Variants in CEACAM21 observed in about 807,000 individuals in gnomAD.
CEACAM21 encodes the protein cell adhesion molecule CEACAM21.
CEACAM21 carries 38 observed loss-of-function variants against 33.2 expected under a neutral mutation model. The observed-to-expected ratio is 1.14, with a 90% CI of 0.88 to 1.50. The LOEUF (loss-of-function observed/expected upper bound fraction) is 1.50, where lower values mean the gene tolerates loss of function less well. CEACAM21 is among the 40% of genes most tolerant of loss of function. The pLI is 0.00. For missense variants in CEACAM21, 385 were observed against 364.6 expected, an observed-to-expected ratio of 1.06 and a Z score of -0.46; for synonymous variants, 156 against 143.0, an observed-to-expected ratio of 1.09 and a Z score of -0.65.
At chr19:41,551,608 T>C (rs1329115555) in intron 1 of CEACAM21, 1 of 152,216 alleles carries the variant, frequency 6.6e-6, no homozygotes, top group African/African-American at 2.4e-5. Context: ...TGAGCCTGCC[T>C]GGGTTTAGGA....
At chr19:41,576,995 C>T (rs1221173471) in intron 1 of CEACAM21, among the ~76,000 whole-genome samples, 2 of 152,186 alleles carry the variant, frequency 1.3e-5, no homozygotes. Flanking sequence ...ATGCAGACCC[C>T]TGGGAAAGAG....
At chr19:41,572,594 T>C (rs1411687735), upstream of CEACAM21, among the ~76,000 whole-genome samples, 3 of 152,174 alleles carry the variant, frequency 2.0e-5, no homozygotes, top group African/African-American at 7.2e-5. Flanking sequence ...TTGGTGAGTC[T>C]GCAGAGCTCA....
Position 41,586,510 on chromosome 19 carries a change from A to G in CEACAM21, c.*47A>G, listed in dbSNP as rs782266539. ...AACATTTACTGCTGGATCGACCACA[A>G]AGCAGATGTGGCTTCTTAGGTTCCT... is the stretch of plus-strand genomic sequence containing the variant. On this transcript the variant is annotated 3_prime_UTR_variant, in exon 7 of 7. Coordinates refer to ENST00000401445, the MANE Select transcript of CEACAM21 (RefSeq NM_001098506.4). 3 of 633,286 alleles carry G rather than the reference A, an allele frequency of 4.7e-6. No individual in the cohort carries two copies. The highest frequency in any genetic ancestry group is 3.7e-5 in the African/African-American group (2 of 54,216). The allele number at this position is 633,286 out of a possible 1,614,324, so 39.2% of individuals were successfully genotyped here.
chr19:41,554,329 T>C (rs2122158885), intron 1 of CEACAM21, among the ~76,000 whole-genome samples: 1 of 152,166 alleles, frequency 6.6e-6, no homozygotes, highest in Non-Finnish European at 1.5e-5. Flanking sequence ...AGGTAACATG[T>C]GTATATGGGT....
chr19:41,567,821 G>A (rs531411367), intron 2 of CEACAM21, among the ~76,000 whole-genome samples: 3 of 152,024 alleles, frequency 2.0e-5, no homozygotes, highest in South Asian at 2.1e-4. Flanking sequence ...GGAAGATGGT[G>A]GGTCCCAGTT....
At chr19:41,576,689 C>T (rs2042971686) in intron 1 of CEACAM21, among the ~76,000 whole-genome samples, 2 of 152,348 alleles carry the variant, frequency 1.3e-5, no homozygotes, top group East Asian at 1.9e-4. Context: ...ATATGGAAGG[C>T]CCTGGGAACG....
intron 2 of CEACAM21, among the ~76,000 whole-genome samples, chr19:41,567,050 C>G (rs1260686023): frequency 6.6e-5 from 10 of 151,916 alleles, no homozygotes; most frequent in African/African-American, 2.2e-4. Context: ...ATTGTTTTCT[C>G]TCTCTCTCTC....
chr19:41,585,527 G>A, intron 5 of CEACAM21, 32 bp downstream of exon 5: 8 of 1,611,666 alleles, frequency 5.0e-6, no homozygotes, highest in Non-Finnish European at 5.9e-6. Flanking sequence ...GTGTGGCTGG[G>A]AACTACTAAG....
intron 1 of CEACAM21, chr19:41,550,731 G>A (rs1415230184): frequency 1.3e-5 from 2 of 152,066 alleles, no homozygotes; most frequent in Non-Finnish European, 2.9e-5. Flanking sequence ...CAGATCGCAC[G>A]ACTGCACTCC....
At chr19:41,560,192 G>T (rs2041795750) in intron 1 of CEACAM21, among the ~76,000 whole-genome samples, 1 of 152,104 alleles carries the variant, frequency 6.6e-6, no homozygotes, top group Admixed American at 6.5e-5. Flanking sequence ...GGAAGCAGAT[G>T]CTTAGCTCTT....
intron 6 of CEACAM21, 71 bp downstream of exon 6, chr19:41,585,942 T>A: frequency 6.7e-7 from 1 of 1,496,514 alleles, no homozygotes; most frequent in Non-Finnish European, 9.2e-7. Context: ...AGGGGGACTG[T>A]CAATCCCCAG....
At chr19:41,557,908 G>C (rs2041635681) in intron 1 of CEACAM21, among the ~76,000 whole-genome samples, 1 of 152,192 alleles carries the variant, frequency 6.6e-6, no homozygotes, top group African/African-American at 2.4e-5. Context: ...AATGGGCTCA[G>C]GGTGGATGAG....
chr19:41,575,288 G>T (rs2042865647), upstream of CEACAM21, among the ~76,000 whole-genome samples: 1 of 152,092 alleles, frequency 6.6e-6, no homozygotes, highest in South Asian at 2.1e-4. Flanking sequence ...ATTGTGAATA[G>T]AATTAGTATC....
intron 2 of CEACAM21, among the ~76,000 whole-genome samples, chr19:41,570,913 A>C (rs2042566119): frequency 6.6e-6 from 1 of 151,972 alleles, no homozygotes; most frequent in African/African-American, 2.4e-5. Context: ...AGGTGTAAGG[A>C]GGCGGGTGAA....
chr19:41,556,484 C>T (rs956853690), intron 1 of CEACAM21, among the ~76,000 whole-genome samples: 1 of 152,196 alleles, frequency 6.6e-6, no homozygotes, highest in African/African-American at 2.4e-5. Context: ...TTTCATGAAG[C>T]CGACTTCTGA....
chr19:41,581,732 C>T (rs1404952710), intron 3 of CEACAM21, among the ~76,000 whole-genome samples: 2 of 152,172 alleles, frequency 1.3e-5, no homozygotes, highest in African/African-American at 2.4e-5. Flanking sequence ...TCTTGTGAGA[C>T]TTATTCACTA....
chr19:41,556,382 C>T (rs141559414), intron 1 of CEACAM21, among the ~76,000 whole-genome samples: 384 of 152,286 alleles, frequency 2.5e-3, no homozygotes, highest in Non-Finnish European at 4.3e-3. Context: ...ATTTCTAAAA[C>T]GGAGTTTCAC....
At chr19:41,568,741 ATTTG>A in intron 2 of CEACAM21, among the ~76,000 whole-genome samples, 1 of 152,198 alleles carries the variant, frequency 6.6e-6, no homozygotes, top group Non-Finnish European at 1.5e-5. Context: ...GCTTTGTTCT[ATTTG>A]TTTAAGATTG....
intron 1 of CEACAM21, among the ~76,000 whole-genome samples, chr19:41,561,466 G>A (rs924405834): frequency 7.2e-5 from 11 of 152,028 alleles, no homozygotes; most frequent in African/African-American, 2.4e-4. Flanking sequence ...GAGAGAGAGA[G>A]AGAGTCTGTG....
Sources: allele counts gnomAD v4.1 joint callset (sites outside exome capture counted in the v4.1 genomes callset), GRCh38; gene constraint gnomAD v4.1.1; transcripts MANE v1.5; gene names NCBI Gene and HGNC (gene_info 2026-07-23, HGNC 2026-07-21).